The following CDC42EP3 variants were observed in gnomAD, a reference collection of about 807,000 sequenced individuals.
CDC42EP3 encodes CDC42 effector protein (Rho GTPase binding) 3.
A neutral mutation model predicts 15.5 loss-of-function variants in CDC42EP3; 4 were observed. That is an observed-to-expected ratio of 0.26 (90% confidence interval 0.13 to 0.59). CDC42EP3 has a LOEUF of 0.59. Ranked by LOEUF, CDC42EP3 falls within the 20% of genes least tolerant of loss-of-function variation. CDC42EP3 has a pLI of 0.89. For synonymous variants in CDC42EP3, 145 were observed against 130.3 expected, an observed-to-expected ratio of 1.11 and a Z score of -0.77; for missense variants, 309 against 311.2, an observed-to-expected ratio of 0.99 and a Z score of 0.05.
At chr2:37,652,944 T>C (rs975176861) in intron 1 of CDC42EP3, among the ~76,000 whole-genome samples, 5 of 152,178 alleles carry the variant, frequency 3.3e-5, no homozygotes, top group Non-Finnish European at 5.9e-5. Flanking sequence ...AAGGTTCTTA[T>C]AGTTAGCCCT....
At chr2:37,666,281 G>T (rs1666247581) in intron 1 of CDC42EP3, among the ~76,000 whole-genome samples, 1 of 152,216 alleles carries the variant, frequency 6.6e-6, no homozygotes, top group East Asian at 1.9e-4. Context: ...CGACCTCCCT[G>T]TGGAGATTCA....
intron 1 of CDC42EP3, among the ~76,000 whole-genome samples, chr2:37,665,090 T>G (rs1019868216): frequency 6.6e-6 from 1 of 151,298 alleles, no homozygotes; most frequent in African/African-American, 2.4e-5. Flanking sequence ...TTTCACCTTA[T>G]GATCATGTGA....
chr2:37,665,821 A>G (rs1003527900), intron 1 of CDC42EP3, among the ~76,000 whole-genome samples: 4 of 150,800 alleles, frequency 2.7e-5, no homozygotes, highest in African/African-American at 9.8e-5. Flanking sequence ...CATTATTAGT[A>G]GTAAGATAGC....
At chr2:37,661,364 A>G (rs1482538865) in intron 1 of CDC42EP3, among the ~76,000 whole-genome samples, 1 of 152,164 alleles carries the variant, frequency 6.6e-6, no homozygotes, top group Non-Finnish European at 1.5e-5. Flanking sequence ...TAATCTGCCA[A>G]TTTTAGCCAA....
intron 1 of CDC42EP3, among the ~76,000 whole-genome samples, chr2:37,666,159 T>C (rs1169504874): frequency 1.3e-5 from 2 of 152,196 alleles, no homozygotes; most frequent in African/African-American, 4.8e-5. Flanking sequence ...TTCGGCTCTG[T>C]AGGACATACT....
intron 1 of CDC42EP3, among the ~76,000 whole-genome samples, chr2:37,654,622 T>C (rs929143701): frequency 3.9e-5 from 6 of 152,122 alleles, no homozygotes; most frequent in African/African-American, 1.2e-4. Context: ...TCCCTGACAG[T>C]GCGTGAAGGG....
At position 37,652,022 on chromosome 2, in the gene CDC42EP3, A is replaced by T. The variant is rs918852373; in HGVS notation, c.-235-5200T>A. On this transcript the variant is annotated intron_variant, in intron 1 of 1. Transcript: ENST00000295324. Reference sequence around the variant, plus strand: ...AACCCCGTCTCTACTAAAAATACAAAAAATTAGCCGGGCCTGGTGGCAGGC... The same window carrying T: ...AACCCCGTCTCTACTAAAAATACAATAAATTAGCCGGGCCTGGTGGCAGGC... Among the ~76,000 whole-genome samples, 71 of 151,904 alleles carry T rather than the reference A, an allele frequency of 4.7e-4. 3 individuals are homozygous for T. The highest frequency in any genetic ancestry group is 8.8e-5 in the Non-Finnish European group (6 of 67,942).
intron 1 of CDC42EP3, among the ~76,000 whole-genome samples, chr2:37,655,713 G>A (rs953329704): frequency 2.6e-5 from 4 of 152,144 alleles, no homozygotes; most frequent in Admixed American, 2.6e-4. Context: ...AACTGCTCAC[G>A]TGTTTCCATA....
chr2:37,664,548 CCTGA>C (rs139936147), intron 1 of CDC42EP3, among the ~76,000 whole-genome samples: 3,568 of 152,132 alleles, frequency 0.023, 137 homozygotes, highest in African/African-American at 0.082. Context: ...TCTAGAGAAC[CCTGA>C]CTAATACAGC....
rs1257082435 is a variant in CDC42EP3, at chr2:37,642,578, G to A, written c.*3245C>T. On this transcript the variant is annotated 3_prime_UTR_variant, in exon 2 of 2. Coordinates refer to ENST00000295324, the MANE Select transcript of CDC42EP3 (RefSeq NM_006449.5). ...ACTCTTACTGGAGAGAAACCATCAT[G>A]TTGGCTCATTCTATTGTGTTTATAT... The A allele has an allele frequency of 3.3e-5, 5 of 152,194 alleles. No individual in the cohort carries two copies. The highest frequency in any genetic ancestry group is 7.3e-5 in the Non-Finnish European group (5 of 68,038). The allele number at this position is 152,194 out of a possible 1,614,324, so 9.4% of individuals were successfully genotyped here.
intron 1 of CDC42EP3, among the ~76,000 whole-genome samples, chr2:37,648,653 T>C (rs955159674): frequency 6.6e-6 from 1 of 152,222 alleles, no homozygotes. Context: ...GGGCTGACCA[T>C]GGGGCTGCCA....
chr2:37,669,493 A>G (rs189020268), intron 1 of CDC42EP3, among the ~76,000 whole-genome samples: 1 of 152,212 alleles, frequency 6.6e-6, no homozygotes, highest in Non-Finnish European at 1.5e-5. Flanking sequence ...TAAAAAGCAA[A>G]AAGTGTGCAA....
intron 1 of CDC42EP3, among the ~76,000 whole-genome samples, chr2:37,661,681 G>A (rs1018947176): frequency 6.6e-6 from 1 of 152,182 alleles, no homozygotes; most frequent in Admixed American, 6.5e-5. Context: ...CTGACAGCAC[G>A]AGGAGGTGGC....
chr2:37,651,154 G>A (rs1449293439), intron 1 of CDC42EP3, among the ~76,000 whole-genome samples: 1 of 152,166 alleles, frequency 6.6e-6, no homozygotes, highest in Admixed American at 6.5e-5. Flanking sequence ...AGGTGCAAAT[G>A]CGTGTATTTA....
chr2:37,657,294 C>T (rs1665897151), intron 1 of CDC42EP3, among the ~76,000 whole-genome samples: 1 of 152,184 alleles, frequency 6.6e-6, no homozygotes, highest in African/African-American at 2.4e-5. Flanking sequence ...AGGAAGTCTA[C>T]TCGAATGCAC....
chr2:37,663,424 T>C (rs1436550969), intron 1 of CDC42EP3, among the ~76,000 whole-genome samples: 2 of 152,140 alleles, frequency 1.3e-5, no homozygotes, highest in African/African-American at 4.8e-5. Flanking sequence ...TAGGCAGCAA[T>C]AGGAAATACA....
At chr2:37,668,391 A>T (rs1242580603) in intron 1 of CDC42EP3, among the ~76,000 whole-genome samples, 1 of 152,216 alleles carries the variant, frequency 6.6e-6, no homozygotes, top group Non-Finnish European at 1.5e-5. Context: ...CTGAGTACAT[A>T]ATCTTTTTTA....
Position 37,644,778 on chromosome 2 carries a change from AT to A in CDC42EP3, c.*1044del, listed in dbSNP as rs1665389755. ...GGCTCATGTACATTTCAGAGAAGCA[AT>A]TTCTCTAGCTATACTTATTCTCTTA... On this transcript the variant is annotated 3_prime_UTR_variant, in exon 2 of 2. Coordinates refer to ENST00000295324, the MANE Select transcript of CDC42EP3 (RefSeq NM_006449.5). 1.3e-5 allele frequency: 2 copies of A among 152,154 alleles called. No homozygotes were observed. Among genetic ancestry groups the A allele is most frequent in the Admixed American group, 6.5e-5 (1 of 15,286 alleles). 9.4% of individuals were successfully genotyped at this position (152,154 alleles called of 1,614,324 possible). A position where few individuals can be genotyped will look rare whatever the true frequency, so the allele number is the denominator to read the frequency against.
chr2:37,648,966 A>G (rs1665573131), intron 1 of CDC42EP3, among the ~76,000 whole-genome samples: 1 of 152,124 alleles, frequency 6.6e-6, no homozygotes, highest in Middle Eastern at 3.2e-3. Flanking sequence ...TGCCATGGAA[A>G]GATACAGCGT....
Sources: allele counts gnomAD v4.1 joint callset (sites outside exome capture counted in the v4.1 genomes callset), GRCh38; gene constraint gnomAD v4.1.1; transcripts MANE v1.5; gene names NCBI Gene and HGNC (gene_info 2026-07-23, HGNC 2026-07-21).